Variants in ZC3H6 observed in about 807,000 individuals in gnomAD.
ZC3H6 encodes the protein zinc finger CCCH domain-containing protein 6.
A neutral mutation model predicts 107.7 loss-of-function variants in ZC3H6; 40 were observed. The ratio of observed to expected loss-of-function variants is 0.37; its 90% CI spans 0.29 to 0.48. ZC3H6 has a LOEUF of 0.48. Ranked by LOEUF, ZC3H6 falls within the 20% of genes least tolerant of loss-of-function variation. The pLI is 0.98. For missense variants in ZC3H6, 1,267 were observed against 1,410.4 expected, an observed-to-expected ratio of 0.90 and a Z score of 1.63; for synonymous variants, 493 against 487.9, an observed-to-expected ratio of 1.01 and a Z score of -0.14.
Position 112,325,200 on chromosome 2 carries a change from G to A in ZC3H6, c.2086+3G>A. 1 of 1,613,562 alleles carries A rather than the reference G, an allele frequency of 6.2e-7. No individual in the cohort carries two copies. ...TAGGGCACCAAGCAAGGAAGAAGGT[G>A]TGTCAGAAGTTATTAATAGCATCTT... On this transcript the variant is annotated splice_donor_region_variant and intron_variant, in intron 11 of 11. Coordinates refer to ENST00000409871, the MANE Select transcript of ZC3H6 (RefSeq NM_198581.3).
intron 2 of ZC3H6, among the ~76,000 whole-genome samples, chr2:112,302,035 T>C (rs1011792270): frequency 6.6e-6 from 1 of 151,772 alleles, no homozygotes; most frequent in Non-Finnish European, 1.5e-5. Context: ...TTCTAGAGAG[T>C]CAAAAAGTCT....
At chr2:112,286,805 T>G (rs1455831044) in intron 1 of ZC3H6, among the ~76,000 whole-genome samples, 2 of 152,170 alleles carry the variant, frequency 1.3e-5, no homozygotes, top group East Asian at 3.8e-4. Context: ...CATGTGACAT[T>G]CAGGGATACC....
At chr2:112,314,094 A>G (rs1245264237) in intron 5 of ZC3H6, among the ~76,000 whole-genome samples, 3 of 152,156 alleles carry the variant, frequency 2.0e-5, no homozygotes, top group Non-Finnish European at 2.9e-5. Flanking sequence ...TCTTGTATCA[A>G]TATATCTTCT....
intron 1 of ZC3H6, among the ~76,000 whole-genome samples, chr2:112,284,619 T>C (rs1241887494): frequency 6.6e-6 from 1 of 151,614 alleles, no homozygotes; most frequent in Non-Finnish European, 1.5e-5. Flanking sequence ...AGACACTAAA[T>C]TGAGGGTCAC....
At chr2:112,300,997 T>C (rs747596723) in intron 2 of ZC3H6, among the ~76,000 whole-genome samples, 25 of 152,060 alleles carry the variant, frequency 1.6e-4, no homozygotes, top group Non-Finnish European at 3.5e-4. Context: ...CTAATAAACC[T>C]AAAAAGTACA....
intron 1 of ZC3H6, among the ~76,000 whole-genome samples, chr2:112,277,235 T>C (rs78988980): frequency 0.019 from 2,929 of 152,318 alleles, 100 homozygotes; most frequent in African/African-American, 0.067. Flanking sequence ...AAATGCACTT[T>C]TAAAAATGAT....
At chr2:112,311,421 C>T (rs1346653158) in intron 4 of ZC3H6, among the ~76,000 whole-genome samples, 1 of 152,026 alleles carries the variant, frequency 6.6e-6, no homozygotes, top group African/African-American at 2.4e-5. Context: ...TCAAAATTAC[C>T]AGTGGAAATT....
intron 1 of ZC3H6, among the ~76,000 whole-genome samples, chr2:112,281,147 A>G (rs528819255): frequency 6.6e-6 from 1 of 152,338 alleles, no homozygotes; most frequent in East Asian, 1.9e-4. Flanking sequence ...TAAAGCAGAA[A>G]GGGAGATGGG....
chr2:112,309,626 G>A (rs1036660191), intron 3 of ZC3H6, among the ~76,000 whole-genome samples: 3 of 152,146 alleles, frequency 2.0e-5, no homozygotes, highest in Non-Finnish European at 4.4e-5. Context: ...TTTCCTGTGT[G>A]TAAGATACTG....
Position 112,332,424 on chromosome 2 carries a change from C to G in ZC3H6, c.3506C>G (p.Thr1169Arg). 6.2e-7 allele frequency: 1 copy of G among 1,611,576 alleles called. No individual in the cohort carries two copies. The highest frequency in any genetic ancestry group is 1.7e-5 in the Admixed American group (1 of 59,462). Residue 1169 changes from threonine (T) to arginine (R), a missense_variant, in exon 12 of 12, where the codon ACA becomes AGA. Thr to Arg is a moderately conservative substitution (Grantham distance 71). Transcript: ENST00000409871. ...CCAGATAATGATCCCGGTAGAGAAA[C>G]AGATGACAAATCTCTGAAAGAGGTT... Reference protein sequence around the residue: ...PTPDNDPGRETDDKSLKEVFK... With the variant: ...PTPDNDPGRERDDKSLKEVFK...
Position 112,336,931 on chromosome 2 carries a change from G to A in ZC3H6, c.*4443G>A, listed in dbSNP as rs1174433397. 6.6e-6 allele frequency: 1 copy of A among 152,120 alleles called. No individual in the cohort carries two copies. The highest frequency in any genetic ancestry group is 1.5e-5 in the Non-Finnish European group (1 of 68,010). 9.4% of individuals were successfully genotyped at this position (152,120 alleles called of 1,614,324 possible). A position where few individuals can be genotyped will look rare whatever the true frequency, so the allele number is the denominator to read the frequency against. Reference sequence around the variant, plus strand: ...AAGCCTAGTTGTAGGCCTACAGTGGGTGCTTTGTTAACTGCTTGTTGATGG... The same window carrying A: ...AAGCCTAGTTGTAGGCCTACAGTGGATGCTTTGTTAACTGCTTGTTGATGG... On this transcript the variant is annotated 3_prime_UTR_variant, in exon 12 of 12. Coordinates refer to ENST00000409871, the MANE Select transcript of ZC3H6 (RefSeq NM_198581.3).
chr2:112,310,299 T>A, intron 4 of ZC3H6, 138 bp downstream of exon 4: 1 of 841,080 alleles, frequency 1.2e-6, no homozygotes, highest in Non-Finnish European at 1.8e-6. Context: ...TCTTTTATTT[T>A]GTAGACCTTG....
In ZC3H6 at chr2:112,311,731, G is replaced by C; in HGVS notation, c.614-73G>C. ...ATATTATAGACTATTAAAATGTGCTGTTCCTTATAAACTAATAAATTGAAA... is the reference window on the plus strand; with the variant it reads ...ATATTATAGACTATTAAAATGTGCTCTTCCTTATAAACTAATAAATTGAAA... On this transcript the variant is annotated intron_variant, in intron 4 of 11. Transcript: ENST00000409871. 8.0e-6 allele frequency: 11 copies of C among 1,371,850 alleles called. 1 individual carries two copies. Among genetic ancestry groups the C allele is most frequent in the Non-Finnish European group, 1.1e-5 (11 of 999,302 alleles). The allele number at this position is 1,371,850 out of a possible 1,614,324, so 85.0% of individuals were successfully genotyped here.
At chr2:112,299,615 A>G (rs888627439) in intron 1 of ZC3H6, among the ~76,000 whole-genome samples, 6 of 152,200 alleles carry the variant, frequency 3.9e-5, no homozygotes, top group African/African-American at 1.4e-4. Context: ...GGCTGCTGAT[A>G]ATGGTTCTTA....
At chr2:112,325,473 A>T (rs1346215736) in intron 11 of ZC3H6, among the ~76,000 whole-genome samples, 1 of 152,142 alleles carries the variant, frequency 6.6e-6, no homozygotes, top group African/African-American at 2.4e-5. Flanking sequence ...AGTCTCAAAA[A>T]AAAAAGGATT....
Position 112,331,299 on chromosome 2 carries a change from G to A in ZC3H6, c.2381G>A (p.Gly794Asp), listed in dbSNP as rs1164785603. The A allele has an allele frequency of 1.2e-6, 2 of 1,613,594 alleles. No homozygotes were observed. Among genetic ancestry groups the A allele is most frequent in the Non-Finnish European group, 1.7e-6 (2 of 1,179,900 alleles). ...DPRKLRGNGS[G>D]HIGSSVGGAK... ...AGGAAATTGAGAGGGAATGGAAGTG[G>A]TCACATAGGCTCTTCTGTTGGTGGA... Residue 794 changes from glycine to aspartate, a missense_variant, in exon 12 of 12, where the codon GGT (glycine) becomes GAT (aspartate). This residue lies in a region of ZC3H6 where 925 missense variants were observed against 1,025.7 expected (regional missense o/e 0.90). Coordinates refer to ENST00000409871, the MANE Select transcript of ZC3H6 (RefSeq NM_198581.3).
At chr2:112,289,929 CGGG>C (rs1676072754) in intron 1 of ZC3H6, among the ~76,000 whole-genome samples, 1 of 152,034 alleles carries the variant, frequency 6.6e-6, no homozygotes, top group Non-Finnish European at 1.5e-5. Flanking sequence ...TTTATAGAGA[CGGG>C]GTTTTACCGT....
At position 112,288,587 on chromosome 2, in the gene ZC3H6, A is replaced by AT. The variant is rs1394132212; in HGVS notation, c.33-11259dup. 3.3e-5 allele frequency among the ~76,000 whole-genome samples: 5 copies of AT among 152,232 alleles called. No homozygotes were observed. In the East Asian group the frequency reaches 9.6e-4, roughly 29 times the overall value. ...TATAGGTAGTACTTTGGGAAGCAGA[A>AT]TTTGAACACAGATCTTTCTGGTTCT... On this transcript the variant is annotated intron_variant, in intron 1 of 11. Transcript: ENST00000409871.
intron 3 of ZC3H6, among the ~76,000 whole-genome samples, chr2:112,305,594 A>G (rs1286191258): frequency 6.6e-6 from 1 of 152,336 alleles, no homozygotes; most frequent in East Asian, 1.9e-4. Flanking sequence ...ATATTTATCT[A>G]CATTTCATTT....
Sources: allele counts gnomAD v4.1 joint callset (sites outside exome capture counted in the v4.1 genomes callset), GRCh38; gene constraint gnomAD v4.1.1; regional missense constraint gnomAD v4.1.1; transcripts MANE v1.5; gene names NCBI Gene and HGNC (gene_info 2026-07-23, HGNC 2026-07-21).